MMP28: variants seen among roughly 807,000 people sequenced by gnomAD.
MMP28 encodes matrix metallopeptidase 28, also known as matrix metalloproteinase-28.
In MMP28, 55 loss-of-function variants were observed where a neutral mutation model predicts 60.5. The observed-to-expected ratio is 0.91, with a 90% CI of 0.73 to 1.14. MMP28 has a LOEUF of 1.14. Ranked by LOEUF, MMP28 falls within the 50% of genes most tolerant of loss-of-function variation. The pLI, the probability that MMP28 is intolerant of heterozygous loss-of-function variation, is 0.00. For synonymous variants in MMP28, 318 were observed against 312.5 expected, an observed-to-expected ratio of 1.02 and a Z score of -0.18; for missense variants, 686 against 738.3, an observed-to-expected ratio of 0.93 and a Z score of 0.82.
At chr17:35,794,500 C>A (rs2086907660) in intron 1 of MMP28, among the ~76,000 whole-genome samples, 2 of 152,080 alleles carry the variant, frequency 1.3e-5, no homozygotes, top group African/African-American at 2.4e-5. Context: ...CCCGCCTCAG[C>A]CTCCCAAAGT....
chr17:35,771,430 CAAAAAAAAAA>C (rs548706247), intron 4 of MMP28, among the ~76,000 whole-genome samples: 2 of 47,350 alleles, frequency 4.2e-5, no homozygotes, highest in African/African-American at 1.6e-4. Flanking sequence ...GACTCTGTCT[CAAAAAAAAAA>C]AAAAAAAAAA....
intron 1 of MMP28, among the ~76,000 whole-genome samples, chr17:35,788,895 G>A (rs981470718): frequency 6.6e-6 from 1 of 152,146 alleles, no homozygotes; most frequent in East Asian, 1.9e-4. Flanking sequence ...AATGGGAGTG[G>A]GGGACAGGGT....
At chr17:35,791,323 G>A (rs1197674043) in intron 1 of MMP28, among the ~76,000 whole-genome samples, 2 of 151,816 alleles carry the variant, frequency 1.3e-5, no homozygotes, top group African/African-American at 4.8e-5. Context: ...GATTGCTTAA[G>A]TCCAGGGGTT....
rs573718795 is a variant in MMP28, at chr17:35,777,777, G to A, written c.379+1111C>T. Among the ~76,000 whole-genome samples the A allele has an allele frequency of 2.6e-5, 4 of 152,370 alleles. No individual in the cohort carries two copies. The South Asian group carries it at 6.2e-4, about 24-fold the overall frequency. On this transcript the variant is annotated intron_variant, in intron 3 of 7. Coordinates refer to ENST00000605424, the MANE Select transcript of MMP28 (RefSeq NM_024302.5). ...ATATTATGCACGGTAGGCCAGGTGC[G>A]GTGGCTCACGCCTACAATCCCAGCC... is the stretch of plus-strand genomic sequence containing the variant.
At chr17:35,764,258 G>A, downstream of MMP28, 1 of 1,539,696 alleles carries the variant, frequency 6.5e-7, no homozygotes, top group Non-Finnish European at 8.7e-7. Context: ...GCGGCGCGCG[G>A]ACAGCGGCTT....
intron 5 of MMP28, 45 bp from the exon 6 acceptor site, chr17:35,768,424 T>C (rs1598421136): frequency 6.6e-7 from 1 of 1,509,918 alleles, no homozygotes; most frequent in Non-Finnish European, 9.0e-7. Context: ...ACACATAGGG[T>C]AGAGGGTATG....
At position 35,768,348 on chromosome 17, in the gene MMP28, C is replaced by A; in HGVS notation, c.882G>T (p.Gln294His). The A allele has an allele frequency of 6.2e-7, 1 of 1,611,802 alleles. No individual in the cohort carries two copies. The highest frequency in any genetic ancestry group is 1.7e-5 in the Admixed American group (1 of 59,612). The change falls in exon 6 of 8, where the codon CAG becomes CAT. Residue 294 changes from glutamine to histidine, a missense_variant. Coordinates refer to ENST00000605424, the MANE Select transcript of MMP28 (RefSeq NM_024302.5). ...GKPLGGSVAV[Q>H]LPGKLFTDFE... ...AGTCAGTGAACAGCTTTCCTGGGAG[C>A]TGGACGGCCACTGAGCCCCCTAGGG...
chr17:35,784,049 G>A (rs1254158566), intron 1 of MMP28, among the ~76,000 whole-genome samples: 5 of 152,176 alleles, frequency 3.3e-5, no homozygotes, highest in Non-Finnish European at 4.4e-5. Context: ...GGGAGGCCGA[G>A]GCAGGTGGAT....
At position 35,766,542 on chromosome 17, in the gene MMP28, C is replaced by T; in HGVS notation, c.1521G>A (p.Trp507Ter). Residue 507 changes from tryptophan to a stop codon, truncating the protein, a stop_gained, in exon 8 of 8, where the codon TGG becomes TGA. Coordinates refer to ENST00000605424, the MANE Select transcript of MMP28 (RefSeq NM_024302.5). LOFTEE classifies it high-confidence loss of function. This position sits in a 1 kb window ranked among gnomAD's most constrained non-coding sequence, Gnocchi z 4.3. ...CCGAGTTGGCATGCCAGCAGCCCAT[C>T]CAGGGCAGCTCGGTGGCCCAGCGGC... ...TSGRWATELPWMGCWHANSGS... is the reference protein window; with the variant it reads ...TSGRWATELP The T allele has an allele frequency of 6.2e-7, 1 of 1,608,826 alleles. No homozygotes were observed. The highest frequency in any genetic ancestry group is 8.5e-7 in the Non-Finnish European group (1 of 1,178,474).
rs2085923701 is a variant in MMP28, at chr17:35,765,872, C to T, written c.*628G>A. The T allele has an allele frequency of 1.0e-6, 1 of 985,444 alleles. No homozygotes were observed. The highest frequency in any genetic ancestry group is 1.2e-6 in the Non-Finnish European group (1 of 829,932). 61.0% of individuals were successfully genotyped at this position (985,444 alleles called of 1,614,324 possible). ...TGCTCCAAGGAAGGCTGCTTCCTGC[C>T]TCTCGGCCCACCAGCTGAAGGCACC... is the stretch of plus-strand genomic sequence containing the variant. On this transcript the variant is annotated 3_prime_UTR_variant, in exon 8 of 8. Transcript: ENST00000605424.
At chr17:35,779,700 A>T (rs1555608828) in intron 1 of MMP28, among the ~76,000 whole-genome samples, 1 of 152,182 alleles carries the variant, frequency 6.6e-6, no homozygotes, top group Non-Finnish European at 1.5e-5. Context: ...AACTAGTAAG[A>T]TACTTCTCTA....
chr17:35,761,394 A>G (rs1555601481), downstream of MMP28, among the ~76,000 whole-genome samples: 2 of 149,238 alleles, frequency 1.3e-5, no homozygotes, highest in South Asian at 2.1e-4. Context: ...TACAGGCATG[A>G]GCCACTGTGC....
intron 5 of MMP28, 22 bp downstream of exon 5, chr17:35,770,045 G>A (rs770238337): frequency 6.6e-7 from 1 of 1,526,070 alleles, no homozygotes; most frequent in Non-Finnish European, 8.8e-7. Context: ...GACCAAGAGC[G>A]GGGCATGTCC....
At position 35,770,234 on chromosome 17, in the gene MMP28, C is replaced by T. The variant is rs368717030; in HGVS notation, c.683G>A (p.Arg228His). The change falls in exon 5 of 8, where the codon CGC becomes CAC. Residue 228 changes from arginine to histidine, a missense_variant. By Grantham distance (29) the Arg-to-His change is conservative. Coordinates refer to ENST00000605424, the MANE Select transcript of MMP28 (RefSeq NM_024302.5). ...FDQDERWSLS[R>H]RRGRNLFVVL... ...CACGAACAGGTTGCGCCCGCGGCGG[C>T]GGCTCAGGGACCAGCGCTCATCTTG... The T allele has an allele frequency of 8.2e-5, 131 of 1,592,102 alleles. No homozygotes were observed. The highest frequency in any genetic ancestry group is 1.1e-4 in the Non-Finnish European group (125 of 1,175,216).
intron 1 of MMP28, among the ~76,000 whole-genome samples, chr17:35,793,866 G>C (rs1054927585): frequency 6.6e-6 from 1 of 152,196 alleles, no homozygotes; most frequent in African/African-American, 2.4e-5. Flanking sequence ...GGGAAGCCAA[G>C]GCAGGCGGAT....
downstream of MMP28, chr17:35,764,789 G>A: frequency 1.4e-6 from 1 of 701,000 alleles, no homozygotes; most frequent in South Asian, 2.3e-5. Context: ...GTTGGTGCTT[G>A]GTTCCCATCT....
At chr17:35,769,944 C>T (rs2086068055) in intron 5 of MMP28, 123 bp downstream of exon 5, 3 of 1,305,694 alleles carry the variant, frequency 2.3e-6, no homozygotes, top group Non-Finnish European at 3.1e-6. Context: ...GACGAATCGG[C>T]GACAGGGAGG....
rs200165337 is a variant in MMP28, at chr17:35,786,699, C to CAAAAAAAA, written c.112-7384_112-7377dup. On this transcript the variant is annotated intron_variant, in intron 1 of 7. Transcript: ENST00000605424. ...GCCTCATAGTGAGATCCTGTCTCTACAAAAAAAAAAAAAAAAGATGAATGA... is the reference window on the plus strand; with the variant it reads ...GCCTCATAGTGAGATCCTGTCTCTACAAAAAAAAAAAAAAAAAAAAAAAAGATGAATGA... Among the ~76,000 whole-genome samples, 65 of 71,046 alleles carry CAAAAAAAA rather than the reference C, an allele frequency of 9.1e-4. 3 individuals are homozygous for CAAAAAAAA. The highest frequency in any genetic ancestry group is 3.7e-3 in the African/African-American group (59 of 15,752). The allele number at this position is 71,046 out of a possible 152,430, so 46.6% of individuals were successfully genotyped here.
At chr17:35,764,102 G>C (rs781887858), downstream of MMP28, 4 of 1,550,224 alleles carry the variant, frequency 2.6e-6, no homozygotes, top group African/African-American at 5.5e-5. Context: ...GGACGAGGAC[G>C]AGGACAACCA....
Sources: allele counts gnomAD v4.1 joint callset (sites outside exome capture counted in the v4.1 genomes callset), GRCh38; gene constraint gnomAD v4.1.1; non-coding constraint Gnocchi (gnomAD v3.1); transcripts MANE v1.5; gene names NCBI Gene and HGNC (gene_info 2026-07-23, HGNC 2026-07-21).